ATG16L1: variants seen among roughly 807,000 people sequenced by gnomAD.
ATG16L1 encodes the protein autophagy related 16 like 1.
Under a neutral mutation model 88.5 loss-of-function variants are expected in ATG16L1, and 37 were observed. The ratio of observed to expected loss-of-function variants is 0.42; its 90% confidence interval spans 0.32 to 0.55. ATG16L1 has a LOEUF of 0.55. Ranked by LOEUF, ATG16L1 falls within the 20% of genes least tolerant of loss-of-function variation. ATG16L1 has a pLI of 0.13. For missense variants in ATG16L1, 554 were observed against 752.8 expected (o/e 0.74, Z 3.09); for synonymous variants, 301 against 281.0 (o/e 1.07, Z -0.71).
intron 9 of ATG16L1, among the ~76,000 whole-genome samples, chr2:233,276,688 G>A (rs185401734): frequency 3.9e-5 from 6 of 152,262 alleles, no homozygotes; most frequent in African/African-American, 9.6e-5. Context: ...CGTTGCCCAG[G>A]CTGGTCTTGA....
intron 8 of ATG16L1, chr2:233,274,470 G>C: frequency 2.0e-6 from 1 of 501,146 alleles, no homozygotes; most frequent in Non-Finnish European, 3.6e-6. Flanking sequence ...AGGAGAGTAA[G>C]GCATGTGCTG....
In ATG16L1 at chr2:233,264,927, A is replaced by G; in HGVS notation, c.425A>G (p.Glu142Gly). 6.2e-7 allele frequency: 1 copy of G among 1,614,056 alleles called. No homozygotes were observed. The highest frequency in any genetic ancestry group is 8.5e-7 in the Non-Finnish European group (1 of 1,179,912). The change falls in exon 5 of 18, where the codon GAG becomes GGG. Residue 142 changes from glutamate to glycine, a missense_variant. This residue lies in a region of ATG16L1 where 50 missense variants were observed against 49.4 expected (regional missense o/e 1.01). Transcript: ENST00000392017. ...AECLQTISDL[E>G]TECLDLRTKL... ...TGTTTGCAGACTATCTCTGACCTGG[A>G]GACGGAGTGCCTAGACCTGCGCACT...
intron 5 of ATG16L1, among the ~76,000 whole-genome samples, chr2:233,268,677 GAGTT>G (rs1440694570): frequency 2.0e-5 from 3 of 152,170 alleles, no homozygotes; most frequent in Admixed American, 1.3e-4. Context: ...TCCTCAAAGA[GAGTT>G]AGTTCACAGT....
At chr2:233,252,800 A>G (rs1696472820) in intron 1 of ATG16L1, among the ~76,000 whole-genome samples, 2 of 152,184 alleles carry the variant, frequency 1.3e-5, no homozygotes. Context: ...TTGCAGCTTA[A>G]GGGTACAAAA....
rs570754671 is a variant in ATG16L1, at chr2:233,253,332, G to GTTTTTTTTTTTTTTTTTTTTTT, written c.115+1397_115+1398insTTTTTTTTTTTTTTTTTTTTTT. ...CACAGCAGGTTAATGGTGAGACTGG[G>GTTTTTTTTTTTTTTTTTTTTTT]TTTTTTTGTTTTTTTTTTTTTTTTT... On this transcript the variant is annotated intron_variant, in intron 1 of 17. Transcript: ENST00000392017. 1.8e-5 allele frequency among the ~76,000 whole-genome samples: 2 copies of GTTTTTTTTTTTTTTTTTTTTTT among 112,890 alleles called. 1 individual carries two copies. 74.1% of individuals were successfully genotyped at this position (112,890 alleles called of 152,430 possible). A position where few individuals can be genotyped will look rare whatever the true frequency, so the allele number is the denominator to read the frequency against.
At position 233,291,413 on chromosome 2, in the gene ATG16L1, G is replaced by C. The variant is rs541564275; in HGVS notation, c.1431-715G>C. ...AGACCCTGAGTCCCAAGGAAGTGGA[G>C]TAGCTTGCTTCAAGCTGCATATTTA... is the stretch of plus-strand genomic sequence containing the variant. On this transcript the variant is annotated intron_variant, in intron 14 of 17. Coordinates refer to ENST00000392017, the MANE Select transcript of ATG16L1 (RefSeq NM_030803.7). 4.1e-4 allele frequency among the ~76,000 whole-genome samples: 63 copies of C among 152,364 alleles called. 2 individuals are homozygous for C. The South Asian group carries it at 0.013, about 31-fold the overall frequency.
rs905311129 is a variant in ATG16L1 at position 233,294,966 on chromosome 2, G to C, written c.*616G>C. 1.3e-5 allele frequency: 2 copies of C among 152,378 alleles called. No homozygotes were observed. The highest frequency in any genetic ancestry group is 2.4e-5 in the African/African-American group (1 of 41,422). The allele number at this position is 152,378 out of a possible 1,614,324, so 9.4% of individuals were successfully genotyped here. On this transcript the variant is annotated 3_prime_UTR_variant, in exon 18 of 18. Coordinates refer to ENST00000392017, the MANE Select transcript of ATG16L1 (RefSeq NM_030803.7). The stretch of plus-strand genomic sequence containing the variant: ...AAATTCGACATATTTAAAAATCTCC[G>C]TGTGGCTTTAAAAAATGGTTTTTTG...
chr2:233,264,084 T>G lies in ATG16L1; in HGVS notation c.389+19T>G. ...AAGCAAAGTGAGTAGAGACCCCGCCTCCTTGGAGCCTGGTCATTGGGTCCC... is the reference window on the plus strand; with the variant it reads ...AAGCAAAGTGAGTAGAGACCCCGCCGCCTTGGAGCCTGGTCATTGGGTCCC... On this transcript the variant is annotated intron_variant, in intron 4 of 17. Transcript: ENST00000392017. 2 of 1,613,504 alleles carry G rather than the reference T, an allele frequency of 1.2e-6. No homozygotes were observed. Among genetic ancestry groups the G allele is most frequent in the Non-Finnish European group, 1.7e-6 (2 of 1,179,576 alleles).
At position 233,290,304 on chromosome 2, in the gene ATG16L1, T is replaced by C; in HGVS notation, c.1381T>C (p.Cys461Arg). Residue 461 changes from cysteine to arginine, a missense_variant, in exon 14 of 18, where the codon TGT (cysteine) becomes CGT (arginine). Cys to Arg is a radical substitution (Grantham distance 180). Transcript: ENST00000392017. ...SCNDIVCTEQ[C>R]VMSGHFDKKI... ...CAATGATATTGTCTGCACAGAGCAA[T>C]GTGTAATGAGTGGACATTTTGACAA... The C allele has an allele frequency of 6.2e-7, 1 of 1,614,212 alleles. No homozygotes were observed. Among genetic ancestry groups the C allele is most frequent in the Non-Finnish European group, 8.5e-7 (1 of 1,180,042 alleles).
chr2:233,290,812 T>C (rs990628184), intron 14 of ATG16L1, among the ~76,000 whole-genome samples: 1 of 152,008 alleles, frequency 6.6e-6, no homozygotes, highest in Admixed American at 6.6e-5. Flanking sequence ...ACATGGCAAG[T>C]GAGCAGGAAA....
At chr2:233,291,614 A>T (rs111815257) in intron 14 of ATG16L1, among the ~76,000 whole-genome samples, 1 of 152,078 alleles carries the variant, frequency 6.6e-6, no homozygotes, top group Non-Finnish European at 1.5e-5. Flanking sequence ...CACAGCACAG[A>T]GAAGAAGAGG....
At chr2:233,285,460 C>T (rs890986018) in intron 12 of ATG16L1, among the ~76,000 whole-genome samples, 1 of 152,200 alleles carries the variant, frequency 6.6e-6, no homozygotes, top group African/African-American at 2.4e-5. Context: ...GCACACAGGT[C>T]TCACTGGGGA....
At chr2:233,289,723 T>G in intron 12 of ATG16L1, 131 bp from the exon 13 acceptor site, 24 of 1,223,972 alleles carry the variant, frequency 2.0e-5, no homozygotes, top group Non-Finnish European at 2.7e-5. Flanking sequence ...CTTATCGCTT[T>G]GAGTGTTCCT....
intron 5 of ATG16L1, among the ~76,000 whole-genome samples, chr2:233,268,374 G>A (rs1241798186): frequency 4.6e-5 from 7 of 152,172 alleles, no homozygotes; most frequent in African/African-American, 1.2e-4. Flanking sequence ...CAGGAGAATC[G>A]CTTGAACACA....
chr2:233,262,385 C>G lies in ATG16L1; in HGVS notation c.210-745C>G, dbSNP rs577414493. On this transcript the variant is annotated intron_variant, in intron 2 of 17. Coordinates refer to ENST00000392017, the MANE Select transcript of ATG16L1 (RefSeq NM_030803.7). The stretch of plus-strand genomic sequence containing the variant: ...AAGTCATTCAGCTGCTCAGAGCCCT[C>G]CAGCAGCTTCCCTTCACGCCTAGTA... 3.9e-5 allele frequency among the ~76,000 whole-genome samples: 6 copies of G among 152,322 alleles called. No individual in the cohort carries two copies. The East Asian group carries it at 1.2e-3, about 29-fold the overall frequency.
At chr2:233,256,053 A>G (rs1195064701) in intron 1 of ATG16L1, 49 bp from the exon 2 acceptor site, 12 of 1,469,180 alleles carry the variant, frequency 8.2e-6, no homozygotes, top group Non-Finnish European at 1.1e-5. Flanking sequence ...TAGCAAGTGT[A>G]CATACGTTGT....
chr2:233,278,344 T>C (rs1698511496), intron 10 of ATG16L1, among the ~76,000 whole-genome samples: 1 of 152,180 alleles, frequency 6.6e-6, no homozygotes, highest in African/African-American at 2.4e-5. Context: ...TAAATATGCG[T>C]GTATTTTTAC....
At chr2:233,270,450 A>G (rs1574864630) in intron 6 of ATG16L1, among the ~76,000 whole-genome samples, 2 of 152,306 alleles carry the variant, frequency 1.3e-5, no homozygotes, top group East Asian at 3.9e-4. Flanking sequence ...GATGGGTCAA[A>G]GCTTTTGGAA....
At chr2:233,289,772 G>A in intron 12 of ATG16L1, 82 bp from the exon 13 acceptor site, 1 of 1,569,510 alleles carries the variant, frequency 6.4e-7, no homozygotes, top group East Asian at 2.3e-5. Flanking sequence ...TGACTCTGGA[G>A]GTAAGGATGC....
Sources: allele counts gnomAD v4.1 joint callset (sites outside exome capture counted in the v4.1 genomes callset), GRCh38; gene constraint gnomAD v4.1.1; regional missense constraint gnomAD v4.1.1; transcripts MANE v1.5; gene names NCBI Gene and HGNC (gene_info 2026-07-23, HGNC 2026-07-21).